The following TTLL8 variants were observed in gnomAD, a reference collection of about 807,000 sequenced individuals.
TTLL8 encodes tubulin tyrosine ligase like 8, also known as protein monoglycylase TTLL8.
In TTLL8, 65 loss-of-function variants were observed where a neutral mutation model predicts 77.8. The ratio of observed to expected loss-of-function variants is 0.84; its 90% CI spans 0.68 to 1.03. TTLL8 has a LOEUF of 1.03. TTLL8 is among the 50% of genes least tolerant of loss of function. The pLI is 0.00. For missense variants in TTLL8, 910 were observed against 1,004.5 expected (o/e 0.91, Z 1.27); for synonymous variants, 402 against 422.8 (o/e 0.95, Z 0.60).
At chr22:50,030,477 C>G (rs777355924) in exon 12 of TTLL8, 4 of 1,346,368 alleles carry the variant, frequency 3.0e-6, no homozygotes, top group South Asian at 2.3e-5. Context: ...TGTCTTCAGG[C>G]CCCGCAGCAC....
chr22:50,036,089 C>T (rs1175394474), intron 8 of TTLL8, among the ~76,000 whole-genome samples: 2 of 152,232 alleles, frequency 1.3e-5, no homozygotes, highest in Non-Finnish European at 2.9e-5. Context: ...CCTCCAGATG[C>T]TGACGGCGAG....
At chr22:50,057,822 G>T (rs2061492368), upstream of TTLL8, among the ~76,000 whole-genome samples, 1 of 151,642 alleles carries the variant, frequency 6.6e-6, no homozygotes, top group Non-Finnish European at 1.5e-5. Flanking sequence ...GGAGAGGTAT[G>T]GGGTTCTGAA....
chr22:50,024,713 T>G (rs1002144638), intron 12 of TTLL8, among the ~76,000 whole-genome samples: 1 of 151,746 alleles, frequency 6.6e-6, no homozygotes, highest in African/African-American at 2.4e-5. Flanking sequence ...AGGTTGGGAG[T>G]TTTCTTAGAA....
At chr22:50,031,848 C>A in exon 11 of TTLL8, 1 of 1,367,228 alleles carries the variant, frequency 7.3e-7, no homozygotes, top group South Asian at 1.1e-5. Context: ...TGAAGTCCCT[C>A]CCAAGGACGA....
chr22:50,029,018 A>AC (rs1161435905), intron 12 of TTLL8, among the ~76,000 whole-genome samples: 114 of 18,228 alleles, frequency 6.3e-3, no homozygotes, highest in Non-Finnish European at 9.0e-3. Context: ...CATCCTGAAG[A>AC]CCCCACACAC....
chr22:50,020,553 C>G (rs2061189019), intron 12 of TTLL8, among the ~76,000 whole-genome samples: 1 of 135,658 alleles, frequency 7.4e-6, no homozygotes, highest in Non-Finnish European at 1.6e-5. Context: ...CTCCATCTGA[C>G]ATGCACTCCT....
chr22:50,042,240 A>G (rs900134641), intron 6 of TTLL8, among the ~76,000 whole-genome samples: 1 of 152,264 alleles, frequency 6.6e-6, no homozygotes, highest in African/African-American at 2.4e-5. Flanking sequence ...ATATTTGCAC[A>G]CACTTAATAA....
intron 12 of TTLL8, among the ~76,000 whole-genome samples, chr22:50,024,972 T>C (rs1412455394): frequency 6.6e-6 from 1 of 152,206 alleles, no homozygotes; most frequent in African/African-American, 2.4e-5. Context: ...TTTTTTCCCC[T>C]GGCCCCTTGA....
chr22:50,021,628 A>G (rs1204904244), intron 12 of TTLL8, among the ~76,000 whole-genome samples: 62 of 90,910 alleles, frequency 6.8e-4, no homozygotes, highest in East Asian at 2.8e-3. Context: ...TCCATCTGAC[A>G]TGCACTCCTC....
At position 50,034,612 on chromosome 22, in the gene TTLL8, A is replaced by C; in HGVS notation, c.922-150T>G. On this transcript the variant is annotated intron_variant, in intron 8 of 13. Coordinates refer to ENST00000266182, the Ensembl canonical transcript of TTLL8. This position sits in a 1 kb window ranked among gnomAD's most constrained non-coding sequence, Gnocchi z 4.1. ...GATGGTCTGGGGCTGGCCTGGCGGGAAAGGGCTGCGGGTCGGCCCAGGAAG... is the reference window on the plus strand; with the variant it reads ...GATGGTCTGGGGCTGGCCTGGCGGGCAAGGGCTGCGGGTCGGCCCAGGAAG... 1 of 790,492 alleles carries C rather than the reference A, an allele frequency of 1.3e-6. No individual in the cohort carries two copies. Among genetic ancestry groups the C allele is most frequent in the Non-Finnish European group, 1.8e-6 (1 of 568,980 alleles). The allele number at this position is 790,492 out of a possible 1,614,324, so 49.0% of individuals were successfully genotyped here. A position where few individuals can be genotyped will look rare whatever the true frequency, so the allele number is the denominator to read the frequency against.
At chr22:50,050,243 T>C (rs1357557614) in exon 2 of TTLL8, 1 of 1,325,860 alleles carries the variant, frequency 7.5e-7, no homozygotes, top group African/African-American at 1.5e-5. Flanking sequence ...GAAAATCTTC[T>C]TCTCCTAAAA....
chr22:50,040,508 T>C (rs1239571710), intron 8 of TTLL8, among the ~76,000 whole-genome samples: 2 of 152,248 alleles, frequency 1.3e-5, no homozygotes, highest in Non-Finnish European at 2.9e-5. Context: ...TTGTGACCCC[T>C]GTGGGGGTTC....
At chr22:50,020,721 G>A (rs996249049) in intron 12 of TTLL8, among the ~76,000 whole-genome samples, 6 of 144,016 alleles carry the variant, frequency 4.2e-5, no homozygotes, top group African/African-American at 7.9e-5. Flanking sequence ...TCCATCTGAC[G>A]ATGTGCACTC....
chr22:50,046,258 C>T (rs1044158983), intron 4 of TTLL8, among the ~76,000 whole-genome samples: 1 of 152,108 alleles, frequency 6.6e-6, no homozygotes, highest in Admixed American at 6.5e-5. Context: ...CTGAGGGCAC[C>T]GAGGGCGGTG....
intron 6 of TTLL8, among the ~76,000 whole-genome samples, chr22:50,042,356 G>A (rs1569229597): frequency 1.3e-5 from 2 of 151,640 alleles, no homozygotes; most frequent in African/African-American, 4.8e-5. Context: ...TGCTCTTGTC[G>A]CCCAGGCTGG....
chr22:50,027,313 T>G (rs1022488865), intron 12 of TTLL8, among the ~76,000 whole-genome samples: 4 of 151,778 alleles, frequency 2.6e-5, no homozygotes, highest in Non-Finnish European at 5.9e-5. Context: ...GTGCGTGGAT[T>G]GCCTGAGCTT....
chr22:50,023,200 A>T (rs2061214627), intron 12 of TTLL8, among the ~76,000 whole-genome samples: 1 of 152,268 alleles, frequency 6.6e-6, no homozygotes. Context: ...AAATCCATCA[A>T]ATACCTAGGA....
upstream of TTLL8, among the ~76,000 whole-genome samples, chr22:50,057,784 G>A (rs2061491975): frequency 6.6e-6 from 1 of 151,578 alleles, no homozygotes; most frequent in Non-Finnish European, 1.5e-5. Context: ...GGGAGGTCTG[G>A]GTTGGGGGTG....
chr22:50,030,605 C>T, exon 12 of TTLL8: 1 of 1,297,108 alleles, frequency 7.7e-7, no homozygotes, highest in Non-Finnish European at 1.0e-6. Context: ...AGGCCGGGAG[C>T]TCCACCTTCC....
Sources: gnomAD v4.1 joint callset for allele counts (sites outside exome capture counted in the v4.1 genomes callset) on GRCh38, gnomAD v4.1.1 for gene constraint, Gnocchi (gnomAD v3.1) non-coding constraint, MANE v1.5 for transcripts, NCBI Gene and HGNC (gene_info 2026-07-23, HGNC 2026-07-21) for gene names.